Variants in GCSH observed in about 807,000 individuals in gnomAD.
The protein encoded by GCSH is glycine cleavage system H protein, mitochondrial.
In GCSH, 15 loss-of-function variants were observed where a neutral mutation model predicts 21.3. The observed-to-expected ratio is 0.70, with a 90% CI of 0.47 to 1.08. GCSH has a LOEUF of 1.08. GCSH is among the 50% of genes least tolerant of loss of function. The pLI is 0.00. For missense variants in GCSH, 179 were observed against 217.5 expected (o/e 0.82, Z 1.11); for synonymous variants, 59 against 84.5 (o/e 0.70, Z 1.66).
At chr16:81,084,660 AC>A (rs1392083254) in intron 3 of GCSH, 66 bp from the exon 4 acceptor site, 31 of 1,222,824 alleles carry the variant, frequency 2.5e-5, no homozygotes, top group Non-Finnish European at 8.3e-6. Flanking sequence ...AACATAAAAT[AC>A]GAAAAAGTAG....
rs1454161354 is a variant in GCSH, at chr16:81,082,835, T to C, written c.*31A>G. On this transcript the variant is annotated 3_prime_UTR_variant, in exon 5 of 5. Transcript: ENST00000315467. ...AAGACAACTCTGCTGGCTTGCGTTA[T>C]TTCATACTAGTTTATTTAGGAGTTC... The C allele has an allele frequency of 5.2e-6, 5 of 958,546 alleles. No homozygotes were observed. Among genetic ancestry groups the C allele is most frequent in the Non-Finnish European group, 8.5e-6 (5 of 585,888 alleles). The allele number at this position is 958,546 out of a possible 1,614,324, so 59.4% of individuals were successfully genotyped here.
At chr16:81,091,136 G>C in intron 1 of GCSH, 1 of 450,994 alleles carries the variant, frequency 2.2e-6, no homozygotes, top group Non-Finnish European at 4.4e-6. Flanking sequence ...GTAATAATCA[G>C]GTGCCTCTTT....
At chr16:81,091,184 G>T (rs1052859951) in intron 1 of GCSH, 2 of 413,752 alleles carry the variant, frequency 4.8e-6, no homozygotes, top group South Asian at 1.7e-5. Flanking sequence ...GTGCAGCTTG[G>T]GTTACAAAGT....
At chr16:81,092,577 C>G (rs1293596820) in intron 1 of GCSH, among the ~76,000 whole-genome samples, 1 of 149,498 alleles carries the variant, frequency 6.7e-6, no homozygotes, top group East Asian at 2.0e-4. Context: ...CACATCTCTA[C>G]TAAAAAAATA....
intron 2 of GCSH, 133 bp from the exon 3 acceptor site, chr16:81,087,797 C>G (rs980649367): frequency 1.4e-6 from 1 of 708,688 alleles, no homozygotes; most frequent in Admixed American, 2.3e-5. Flanking sequence ...GGGCTACATT[C>G]TTGAGTTTTC....
At position 81,082,602 on chromosome 16, in the gene GCSH, T is replaced by C. The variant is rs1201955100; in HGVS notation, c.*264A>G. ...ATTATGTAATTTTTATAACTAGTTT[T>C]TACCATGGATAATTTCATGAATTCT... On this transcript the variant is annotated 3_prime_UTR_variant, in exon 5 of 5. Coordinates refer to ENST00000315467, the MANE Select transcript of GCSH (RefSeq NM_004483.5). 1 of 363,022 alleles carries C rather than the reference T, an allele frequency of 2.8e-6. No individual in the cohort carries two copies. The highest frequency in any genetic ancestry group is 4.8e-5 in the Admixed American group (1 of 20,734). The allele number at this position is 363,022 out of a possible 1,614,324, so 22.5% of individuals were successfully genotyped here.
chr16:81,092,742 CA>C (rs1405649824), intron 1 of GCSH, among the ~76,000 whole-genome samples: 1 of 149,224 alleles, frequency 6.7e-6, no homozygotes, highest in African/African-American at 2.5e-5. Flanking sequence ...GACTCAGTCT[CA>C]AAAAAAACAA....
chr16:81,096,127 T>A lies in GCSH; in HGVS notation c.148+4A>T, dbSNP rs1049164724. The stretch of plus-strand genomic sequence containing the variant: ...GCAGCCGCCCACGTGCCCGCCGCGC[T>A]TACCCGAGAGCAGAGCGGGTCCAGT... On this transcript the variant is annotated splice_donor_region_variant and intron_variant, in intron 1 of 4. Transcript: ENST00000315467. The A allele has an allele frequency of 8.0e-7, 1 of 1,248,080 alleles. No homozygotes were observed. The highest frequency in any genetic ancestry group is 1.0e-6 in the Non-Finnish European group (1 of 996,354). 77.3% of individuals were successfully genotyped at this position (1,248,080 alleles called of 1,614,324 possible). A position where few individuals can be genotyped will look rare whatever the true frequency, so the allele number is the denominator to read the frequency against.
At chr16:81,090,542 G>A in intron 2 of GCSH, 59 bp downstream of exon 2, 1 of 1,144,580 alleles carries the variant, frequency 8.7e-7, no homozygotes, top group South Asian at 1.2e-5. Context: ...TAAAAAGGTA[G>A]AGATAAAGCA....
At chr16:81,090,483 A>G in intron 2 of GCSH, 118 bp downstream of exon 2, 1 of 753,706 alleles carries the variant, frequency 1.3e-6, no homozygotes, top group Non-Finnish European at 2.4e-6. Flanking sequence ...CAGCCTCCCA[A>G]AGTGTTGGGA....
chr16:81,085,055 A>G (rs77145371), intron 3 of GCSH, among the ~76,000 whole-genome samples: 14,400 of 121,260 alleles, frequency 0.12, 837 homozygotes, highest in East Asian at 0.23. Flanking sequence ...TCGCTCTGTC[A>G]CCAGGCTACA....
intron 2 of GCSH, 110 bp downstream of exon 2, chr16:81,090,491 G>C (rs1402503640): frequency 2.6e-6 from 2 of 779,426 alleles, no homozygotes; most frequent in Non-Finnish European, 4.6e-6. Context: ...CAAAGTGTTG[G>C]GATTACAGGC....
chr16:81,087,544 A>G (rs1972308158), intron 3 of GCSH, 57 bp downstream of exon 3: 3 of 1,189,950 alleles, frequency 2.5e-6, no homozygotes, highest in Non-Finnish European at 3.8e-6. Flanking sequence ...ACAAATTACT[A>G]TTCAATGTAA....
chr16:81,095,310 G>C (rs954221606), intron 1 of GCSH, among the ~76,000 whole-genome samples: 1 of 151,732 alleles, frequency 6.6e-6, no homozygotes, highest in Middle Eastern at 3.2e-3. Context: ...CTTGTTTTGG[G>C]GAAATAGCTG....
At chr16:81,091,370 G>A (rs377106720) in intron 1 of GCSH, 9 of 285,700 alleles carry the variant, frequency 3.2e-5, no homozygotes, top group African/African-American at 2.1e-4. Flanking sequence ...TGGGTTGGTG[G>A]AGAATCAAGC....
Position 81,094,839 on chromosome 16 carries a change from G to A in GCSH, c.148+1292C>T, listed in dbSNP as rs117630192. Among the ~76,000 whole-genome samples, 897 of 152,328 alleles carry A rather than the reference G, an allele frequency of 5.9e-3. 10 individuals carry two copies. The highest frequency in any genetic ancestry group is 0.02 in the Middle Eastern group (6 of 294). On this transcript the variant is annotated intron_variant, in intron 1 of 4. Transcript: ENST00000315467. Reference sequence around the variant, plus strand: ...TGGCCTGGCGCGGTGACGCACGACTGTAATCTCAGCACTTTGGGAGGCTGA... The same window carrying A: ...TGGCCTGGCGCGGTGACGCACGACTATAATCTCAGCACTTTGGGAGGCTGA...
intron 3 of GCSH, 63 bp from the exon 4 acceptor site, chr16:81,084,657 A>G: frequency 1.5e-6 from 2 of 1,290,526 alleles, no homozygotes; most frequent in African/African-American, 1.5e-5. Context: ...GAAAACATAA[A>G]ATACGAAAAA....
chr16:81,085,717 G>A (rs1026931050), intron 3 of GCSH, among the ~76,000 whole-genome samples: 22 of 151,970 alleles, frequency 1.4e-4, no homozygotes, highest in African/African-American at 3.6e-4. Context: ...AAAATTAGCC[G>A]GGCGTGGTGG....
chr16:81,085,727 G>A (rs1468941177), intron 3 of GCSH, among the ~76,000 whole-genome samples: 1 of 152,162 alleles, frequency 6.6e-6, no homozygotes, highest in Non-Finnish European at 1.5e-5. Context: ...GGGCGTGGTG[G>A]TGGGCGCCTA....
Sources: allele counts gnomAD v4.1 joint callset (sites outside exome capture counted in the v4.1 genomes callset), GRCh38; gene constraint gnomAD v4.1.1; transcripts MANE v1.5; gene names NCBI Gene and HGNC (gene_info 2026-07-23, HGNC 2026-07-21).